PHACTR2: variants seen among roughly 807,000 people sequenced by gnomAD.
PHACTR2 encodes the protein chromosome 6 open reading frame 56.
In PHACTR2, 30 loss-of-function variants were observed where a neutral mutation model predicts 76.0. That is an observed-to-expected ratio of 0.39 (90% confidence interval 0.30 to 0.54). The LOEUF (loss-of-function observed/expected upper bound fraction) is 0.54. PHACTR2 is among the 20% of genes least tolerant of loss of function. The pLI is 0.61. For missense variants in PHACTR2, 696 were observed against 781.1 expected (o/e 0.89, Z 1.30); for synonymous variants, 292 against 292.5 (o/e 1.00, Z 0.02).
At position 143,774,395 on chromosome 6, in the gene PHACTR2, G is replaced by A. The variant is rs1035330079; in HGVS notation, c.1589+180G>A. Among the ~76,000 whole-genome samples the A allele has an allele frequency of 2.0e-5, 3 of 152,206 alleles. No homozygotes were observed. Among genetic ancestry groups the A allele is most frequent in the Non-Finnish European group, 4.4e-5 (3 of 68,034 alleles). On this transcript the variant is annotated intron_variant, in intron 8 of 12. Coordinates refer to ENST00000440869, the MANE Select transcript of PHACTR2 (RefSeq NM_001100164.2). This position sits in a 1 kb window ranked among gnomAD's most constrained non-coding sequence, Gnocchi z 5.4. The stretch of plus-strand genomic sequence containing the variant: ...AAGAACCTGTCCTTTGGCCCAGCTA[G>A]CCAGTGGCTTTGAGGTCACCAAAGC...
At chr6:143,758,734 G>T (rs1055805136) in intron 4 of PHACTR2, among the ~76,000 whole-genome samples, 1 of 152,082 alleles carries the variant, frequency 6.6e-6, no homozygotes, top group Non-Finnish European at 1.5e-5. Flanking sequence ...GGTCAACTTG[G>T]GCCACAGTGA....
At chr6:143,771,459 G>A (rs11752220) in intron 6 of PHACTR2, among the ~76,000 whole-genome samples, 43,616 of 149,510 alleles carry the variant, frequency 0.29, 7,519 homozygotes, top group South Asian at 0.4. Flanking sequence ...TTTTTGAGAC[G>A]GAGTTTTGCT....
rs191807094 is a variant in PHACTR2, at chr6:143,806,870, T to A, written c.1846-187T>A. 4.0e-5 allele frequency among the ~76,000 whole-genome samples: 6 copies of A among 151,478 alleles called. No homozygotes were observed. The highest frequency in any genetic ancestry group is 1.3e-4 in the Admixed American group (2 of 15,164). On this transcript the variant is annotated intron_variant, in intron 11 of 12. Coordinates refer to ENST00000440869, the MANE Select transcript of PHACTR2 (RefSeq NM_001100164.2). The surrounding 1 kb of genome is among the most constrained non-coding windows in gnomAD (Gnocchi z 5.8). ...TACTGGGAATGCTGAGTTGGGAGGA[T>A]CACTTGAGCCCAGGAGTTTGAGGCT...
intron 11 of PHACTR2, among the ~76,000 whole-genome samples, chr6:143,799,196 A>C (rs961569365): frequency 6.6e-6 from 1 of 152,034 alleles, no homozygotes; most frequent in Non-Finnish European, 1.5e-5. Flanking sequence ...GTATCCTCTG[A>C]TGGTAGTTTG....
intron 1 of PHACTR2, among the ~76,000 whole-genome samples, chr6:143,593,493 C>A (rs2128434738): frequency 6.6e-6 from 1 of 152,258 alleles, no homozygotes; most frequent in South Asian, 2.1e-4. Context: ...AACAGCACAG[C>A]AAGTTTATTT....
At chr6:143,690,989 A>C (rs1161618011) in intron 1 of PHACTR2, among the ~76,000 whole-genome samples, 1 of 152,166 alleles carries the variant, frequency 6.6e-6, no homozygotes. Context: ...TTGATATTTC[A>C]CAAAAGTGCC....
At position 143,556,375 on chromosome 6, in the gene PHACTR2, G is replaced by A. The variant is rs1775175137; in HGVS notation, c.217+19168G>A. Among the ~76,000 whole-genome samples the A allele has an allele frequency of 1.3e-5, 2 of 152,222 alleles. No homozygotes were observed. The highest frequency in any genetic ancestry group is 2.4e-5 in the African/African-American group (1 of 41,464). ...GAGTGAATATCTGGTGGAGGGAGGTGAGGAATACAGGAAGTAGTGCATTTT... is the reference window on the plus strand; with the variant it reads ...GAGTGAATATCTGGTGGAGGGAGGTAAGGAATACAGGAAGTAGTGCATTTT... On this transcript the variant is annotated intron_variant, in intron 1 of 11. Transcript: ENST00000367584. The surrounding 1 kb of genome is among the most constrained non-coding windows in gnomAD (Gnocchi z 4.3).
intron 2 of PHACTR2, among the ~76,000 whole-genome samples, chr6:143,746,983 A>T (rs1416552552): frequency 6.6e-6 from 1 of 152,162 alleles, no homozygotes; most frequent in African/African-American, 2.4e-5. Context: ...CCTTCTGTGT[A>T]TGTCTCCTTT....
chr6:143,637,344 A>T (rs139632118), intron 1 of PHACTR2, among the ~76,000 whole-genome samples: 1 of 152,258 alleles, frequency 6.6e-6, no homozygotes, highest in African/African-American at 2.4e-5. Context: ...AAGAAAAGGA[A>T]GGAAGGAAGG....
rs1011009030 is a variant in PHACTR2 at position 143,754,576 on chromosome 6, A to G, written c.454+664A>G. Among the ~76,000 whole-genome samples, 4 of 152,184 alleles carry G rather than the reference A, an allele frequency of 2.6e-5. No individual in the cohort carries two copies. Among genetic ancestry groups the G allele is most frequent in the African/African-American group, 7.2e-5 (3 of 41,450 alleles). ...CCTTGGTTCCTAGAGTGAATATGCT[A>G]CAGTAGATTGAGATACCTGCAAAAT... is the stretch of plus-strand genomic sequence containing the variant. On this transcript the variant is annotated intron_variant, in intron 4 of 12. Transcript: ENST00000440869. The surrounding 1 kb of genome is among the most constrained non-coding windows in gnomAD (Gnocchi z 6.2).
chr6:143,665,088 C>T (rs576541403), intron 1 of PHACTR2, among the ~76,000 whole-genome samples: 24 of 152,160 alleles, frequency 1.6e-4, no homozygotes, highest in Non-Finnish European at 2.6e-4. Context: ...CATGAGCCAC[C>T]GCACCCAGCC....
At position 143,761,765 on chromosome 6, in the gene PHACTR2, AT is replaced by A. The variant is rs1375772103; in HGVS notation, c.694+1126del. Among the ~76,000 whole-genome samples, 1 of 152,110 alleles carries A rather than the reference AT, an allele frequency of 6.6e-6. No individual in the cohort carries two copies. Among genetic ancestry groups the A allele is most frequent in the Non-Finnish European group, 1.5e-5 (1 of 68,000 alleles). Reference sequence around the variant, plus strand: ...TGAGACTCCATCTCAAAAAAAAAAAATCTATTTTCCTTAAAATCAACAGCAA... The same window carrying A: ...TGAGACTCCATCTCAAAAAAAAAAAACTATTTTCCTTAAAATCAACAGCAA... On this transcript the variant is annotated intron_variant, in intron 5 of 12. Coordinates refer to ENST00000440869, the MANE Select transcript of PHACTR2 (RefSeq NM_001100164.2). The surrounding 1 kb of genome is among the most constrained non-coding windows in gnomAD (Gnocchi z 5.2).
In PHACTR2 at chr6:143,809,552, T is replaced by C. The variant is rs1054844157; in HGVS notation, c.1922+2419T>C. On this transcript the variant is annotated intron_variant, in intron 12 of 12. Transcript: ENST00000440869. This position sits in a 1 kb window ranked among gnomAD's most constrained non-coding sequence, Gnocchi z 4.2. ...ATTTGTATGTACAAAAATAATATAT[T>C]CTAATTAAGCATTCAAGCAATACAA... is the stretch of plus-strand genomic sequence containing the variant. Among the ~76,000 whole-genome samples, 2 of 152,084 alleles carry C rather than the reference T, an allele frequency of 1.3e-5. No homozygotes were observed. Among genetic ancestry groups the C allele is most frequent in the Non-Finnish European group, 2.9e-5 (2 of 68,006 alleles).
Position 143,596,383 on chromosome 6 carries a change from T to C in PHACTR2, c.217+59176T>C, listed in dbSNP as rs1487172128. On this transcript the variant is annotated intron_variant, in intron 1 of 11. Coordinates refer to the PHACTR2 transcript ENST00000367584. This position sits in a 1 kb window ranked among gnomAD's most constrained non-coding sequence, Gnocchi z 4.6. Reference sequence around the variant, plus strand: ...CTTGTTATTGAGGCTCACATTTACCTGAACTGCATTAAGAGAGAGACACTC... The same window carrying C: ...CTTGTTATTGAGGCTCACATTTACCCGAACTGCATTAAGAGAGAGACACTC... Among the ~76,000 whole-genome samples, 1 of 152,182 alleles carries C rather than the reference T, an allele frequency of 6.6e-6. No individual in the cohort carries two copies. Among genetic ancestry groups the C allele is most frequent in the Non-Finnish European group, 1.5e-5 (1 of 68,028 alleles).
At chr6:143,565,604 C>CAA (rs556657528) in intron 1 of PHACTR2, among the ~76,000 whole-genome samples, 3 of 105,938 alleles carry the variant, frequency 2.8e-5, no homozygotes, top group Admixed American at 9.8e-5. Flanking sequence ...GACTCCGTCT[C>CAA]AAAAAAAAAA....
Position 143,543,271 on chromosome 6 carries a change from C to T in PHACTR2, c.217+6064C>T, listed in dbSNP as rs1048648143. ...GCAGCTCTGAGACAGATATTAAAGC[C>T]GTGGATTTATTCTGGCCCCTACGTA... On this transcript the variant is annotated intron_variant, in intron 1 of 11. Coordinates refer to the PHACTR2 transcript ENST00000367584. The surrounding 1 kb of genome is among the most constrained non-coding windows in gnomAD (Gnocchi z 4.7). 3.3e-5 allele frequency among the ~76,000 whole-genome samples: 5 copies of T among 152,158 alleles called. No individual in the cohort carries two copies. The highest frequency in any genetic ancestry group is 9.7e-5 in the African/African-American group (4 of 41,434).
At chr6:143,768,327 G>A (rs1401073968) in intron 6 of PHACTR2, among the ~76,000 whole-genome samples, 1 of 152,122 alleles carries the variant, frequency 6.6e-6, no homozygotes, top group African/African-American at 2.4e-5. Flanking sequence ...TTTCTGTGCT[G>A]GGCAATGTAC....
chr6:143,719,956 C>CA (rs1216167141), intron 2 of PHACTR2, among the ~76,000 whole-genome samples: 2 of 151,540 alleles, frequency 1.3e-5, no homozygotes, highest in Admixed American at 6.6e-5. Context: ...GGATTATAGG[C>CA]ATGCACCACC....
intron 1 of PHACTR2, among the ~76,000 whole-genome samples, chr6:143,586,147 G>A (rs144833843): frequency 1.3e-5 from 2 of 152,256 alleles, no homozygotes; most frequent in East Asian, 1.9e-4. Context: ...ATTTGCCATC[G>A]TGGAAAGACA....
Sources: allele counts gnomAD v4.1 joint callset (sites outside exome capture counted in the v4.1 genomes callset), GRCh38; gene constraint gnomAD v4.1.1; non-coding constraint Gnocchi (gnomAD v3.1); transcripts MANE v1.5; gene names NCBI Gene and HGNC (gene_info 2026-07-23, HGNC 2026-07-21).